Variants in MTHFD2L observed in about 807,000 individuals in gnomAD.
The protein encoded by MTHFD2L is methylenetetrahydrofolate dehydrogenase (NADP+ dependent) 2 like, also known as bifunctional methylenetetrahydrofolate dehydrogenase/cyclohydrolase 2, mitochondrial.
Under a neutral mutation model 34.9 loss-of-function variants are expected in MTHFD2L, and 29 were observed. The observed-to-expected ratio is 0.83, with a 90% confidence interval of 0.62 to 1.13. The LOEUF is 1.13. Ranked by LOEUF, MTHFD2L falls within the 50% of genes most tolerant of loss-of-function variation. The pLI is 0.00. For missense variants in MTHFD2L, 481 were observed against 446.5 expected (o/e 1.08, Z -0.70); for synonymous variants, 167 against 155.7 (o/e 1.07, Z -0.54).
At chr4:74,178,328 A>C (rs1474433209) in intron 3 of MTHFD2L, among the ~76,000 whole-genome samples, 1 of 152,044 alleles carries the variant, frequency 6.6e-6, no homozygotes, top group East Asian at 1.9e-4. Flanking sequence ...CATATCTACA[A>C]ATTTTTCTTT....
intron 6 of MTHFD2L, among the ~76,000 whole-genome samples, chr4:74,262,891 G>A (rs772182230): frequency 6.6e-6 from 1 of 151,862 alleles, no homozygotes; most frequent in African/African-American, 2.4e-5. Flanking sequence ...AAAAATACCT[G>A]ACCTGTATAT....
At chr4:74,279,893 A>G (rs568306438) in intron 6 of MTHFD2L, among the ~76,000 whole-genome samples, 2 of 152,246 alleles carry the variant, frequency 1.3e-5, no homozygotes, top group East Asian at 1.9e-4. Flanking sequence ...TAAGGAAGCT[A>G]TCCTACAGCT....
At chr4:74,231,762 A>G (rs1204208546) in intron 6 of MTHFD2L, among the ~76,000 whole-genome samples, 1 of 152,140 alleles carries the variant, frequency 6.6e-6, no homozygotes, top group Non-Finnish European at 1.5e-5. Flanking sequence ...AATAAAAGTA[A>G]CCTTTCATAG....
intron 7 of MTHFD2L, among the ~76,000 whole-genome samples, chr4:74,284,469 A>T (rs1460697015): frequency 6.6e-6 from 1 of 151,748 alleles, no homozygotes; most frequent in Non-Finnish European, 1.5e-5. Flanking sequence ...TTGGCTGCAT[A>T]AATGTCTTCT....
At chr4:74,180,661 A>C in intron 3 of MTHFD2L, 1 of 449,402 alleles carries the variant, frequency 2.2e-6, no homozygotes, top group Non-Finnish European at 4.5e-6. Context: ...TGGGACTGTC[A>C]CAAGCTAAGC....
chr4:74,133,190 A>G (rs1013603760), intron 1 of MTHFD2L, among the ~76,000 whole-genome samples: 1 of 152,168 alleles, frequency 6.6e-6, no homozygotes, highest in Admixed American at 6.6e-5. Context: ...CTGTTGCCAG[A>G]TGAACTGGAG....
intron 3 of MTHFD2L, among the ~76,000 whole-genome samples, chr4:74,198,132 G>A (rs1370268795): frequency 6.6e-6 from 1 of 152,150 alleles, no homozygotes; most frequent in East Asian, 1.9e-4. Flanking sequence ...TATGATCTGA[G>A]TTGAAGTTGG....
At chr4:74,281,749 C>T (rs1747515361) in intron 7 of MTHFD2L, among the ~76,000 whole-genome samples, 199 bp downstream of exon 7, 1 of 151,948 alleles carries the variant, frequency 6.6e-6, no homozygotes, top group African/African-American at 2.4e-5. Context: ...TTCATCCTTC[C>T]TTTCTTCCTT....
intron 6 of MTHFD2L, among the ~76,000 whole-genome samples, chr4:74,247,040 AT>A (rs1396195635): frequency 1.4e-5 from 2 of 147,976 alleles, no homozygotes; most frequent in East Asian, 4.0e-4. Context: ...CTTGATGGGG[AT>A]GGCATTGAAT....
chr4:74,290,998 C>CTTTTTTTTTTT (rs1560565979), intron 7 of MTHFD2L, among the ~76,000 whole-genome samples: 10 of 46,180 alleles, frequency 2.2e-4, no homozygotes, highest in African/African-American at 6.0e-4. Flanking sequence ...TTTATTTTTC[C>CTTTTTTTTTTT]TTTTCTTTTT....
chr4:74,158,043 C>T (rs1005841747), upstream of MTHFD2L: 3 of 1,516,676 alleles, frequency 2.0e-6, no homozygotes, highest in African/African-American at 2.8e-5. Context: ...ACTTGCTGCC[C>T]TGCCAGCCCG....
At chr4:74,141,633 CTT>C (rs1723280143) in intron 1 of MTHFD2L, among the ~76,000 whole-genome samples, 1 of 152,224 alleles carries the variant, frequency 6.6e-6, no homozygotes, top group Non-Finnish European at 1.5e-5. Context: ...GCTCTACTCT[CTT>C]GTCACTCACT....
intron 1 of MTHFD2L, among the ~76,000 whole-genome samples, chr4:74,163,298 G>A (rs1725861742): frequency 6.6e-6 from 1 of 152,076 alleles, no homozygotes; most frequent in Admixed American, 6.6e-5. Flanking sequence ...CAGTAAAACT[G>A]GTTTTCCTTG....
intron 1 of MTHFD2L, among the ~76,000 whole-genome samples, chr4:74,150,787 A>G (rs1723887297): frequency 6.6e-6 from 1 of 152,226 alleles, no homozygotes; most frequent in East Asian, 1.9e-4. Context: ...GTGTGTATAT[A>G]TATATAAATA....
chr4:74,243,258 C>T (rs1741962245), intron 6 of MTHFD2L, among the ~76,000 whole-genome samples: 1 of 152,136 alleles, frequency 6.6e-6, no homozygotes, highest in African/African-American at 2.4e-5. Flanking sequence ...TTTATCACAG[C>T]GCATTTCAGT....
chr4:74,267,402 T>C (rs910826282), intron 6 of MTHFD2L: 6 of 358,824 alleles, frequency 1.7e-5, no homozygotes, highest in Non-Finnish European at 2.3e-5. Flanking sequence ...TTTTCTTTCT[T>C]TCTTTTCTTT....
intron 3 of MTHFD2L, among the ~76,000 whole-genome samples, chr4:74,187,043 C>T (rs1246073479): frequency 6.6e-6 from 1 of 152,048 alleles, no homozygotes; most frequent in African/African-American, 2.4e-5. Context: ...AGTGGAAAGG[C>T]AAATAAGTAC....
chr4:74,203,509 T>A (rs1298642527), intron 5 of MTHFD2L, among the ~76,000 whole-genome samples: 1 of 152,180 alleles, frequency 6.6e-6, no homozygotes, highest in Non-Finnish European at 1.5e-5. Flanking sequence ...CGGGCTGTAC[T>A]AGAAGCATGG....
intron 7 of MTHFD2L, among the ~76,000 whole-genome samples, chr4:74,301,057 G>T (rs1750250431): frequency 1.3e-5 from 2 of 152,158 alleles, no homozygotes; most frequent in African/African-American, 4.8e-5. Context: ...TTCAAAATTT[G>T]AAGTATAGTT....
Sources: gnomAD v4.1 joint callset for allele counts (sites outside exome capture counted in the v4.1 genomes callset) on GRCh38, gnomAD v4.1.1 for gene constraint, MANE v1.5 for transcripts, NCBI Gene and HGNC (gene_info 2026-07-23, HGNC 2026-07-21) for gene names.